GRM8: variants seen among roughly 807,000 people sequenced by gnomAD.
GRM8 encodes metabotropic glutamate receptor 8.
A neutral mutation model predicts 87.2 loss-of-function variants in GRM8; 47 were observed. The ratio of observed to expected loss-of-function variants is 0.54; its 90% CI spans 0.43 to 0.69. GRM8 has a LOEUF of 0.69. GRM8 is among the 30% of genes least tolerant of loss of function. The pLI is 0.00. For missense variants in GRM8, 1,019 were observed against 1,139.2 expected, an observed-to-expected ratio of 0.89 and a Z score of 1.52; for synonymous variants, 396 against 404.5, an observed-to-expected ratio of 0.98 and a Z score of 0.25.
chr7:126,770,575 T>C (rs903431094), intron 6 of GRM8, among the ~76,000 whole-genome samples: 1 of 152,024 alleles, frequency 6.6e-6, no homozygotes, highest in Admixed American at 6.6e-5. Context: ...CTGGTTATCT[T>C]TATAATAATC....
intron 2 of GRM8, among the ~76,000 whole-genome samples, chr7:127,238,949 G>A (rs1798137582): frequency 1.3e-5 from 2 of 152,130 alleles, no homozygotes. Context: ...GATCCTGAAG[G>A]AAATAAAATG....
chr7:126,924,605 T>C (rs1804893022), intron 3 of GRM8, among the ~76,000 whole-genome samples: 1 of 152,188 alleles, frequency 6.6e-6, no homozygotes, highest in South Asian at 2.1e-4. Flanking sequence ...TTTTCTTTCC[T>C]TCCTTTTTCC....
intron 3 of GRM8, among the ~76,000 whole-genome samples, chr7:126,962,853 C>A (rs530967337): frequency 2.0e-5 from 3 of 152,168 alleles, no homozygotes; most frequent in Non-Finnish European, 4.4e-5. Flanking sequence ...TGCACTTACC[C>A]GCAGAAACTA....
At chr7:127,111,426 C>T (rs1050904452) in intron 2 of GRM8, among the ~76,000 whole-genome samples, 6 of 152,162 alleles carry the variant, frequency 3.9e-5, no homozygotes, top group Non-Finnish European at 5.9e-5. Context: ...CCACCCAGAA[C>T]GTGACTACAT....
At chr7:126,730,049 C>A (rs918241930) in intron 7 of GRM8, among the ~76,000 whole-genome samples, 9 of 151,934 alleles carry the variant, frequency 5.9e-5, no homozygotes, top group Middle Eastern at 3.2e-3. Flanking sequence ...CAAAACACAT[C>A]GATCAAATAA....
At chr7:126,518,534 G>T (rs1393601339) in intron 9 of GRM8, among the ~76,000 whole-genome samples, 2 of 151,918 alleles carry the variant, frequency 1.3e-5, no homozygotes, top group Non-Finnish European at 2.9e-5. Context: ...TAAACATATG[G>T]TTATCAATAG....
At chr7:126,627,599 A>G (rs1434827717) in intron 7 of GRM8, among the ~76,000 whole-genome samples, 4 of 152,112 alleles carry the variant, frequency 2.6e-5, no homozygotes, top group Admixed American at 2.6e-4. Context: ...AGAAGTGGCA[A>G]TAGTGAACAC....
At chr7:126,687,270 A>T (rs1808287327) in intron 7 of GRM8, among the ~76,000 whole-genome samples, 2 of 152,198 alleles carry the variant, frequency 1.3e-5, no homozygotes, top group South Asian at 4.1e-4. Context: ...ATTTTCACCT[A>T]ACAGTGTATT....
intron 6 of GRM8, among the ~76,000 whole-genome samples, chr7:126,804,354 T>G (rs1792432572): frequency 6.6e-6 from 1 of 152,252 alleles, no homozygotes; most frequent in South Asian, 2.1e-4. Flanking sequence ...ACAATCATTT[T>G]ATTTTCTACA....
intron 3 of GRM8, among the ~76,000 whole-genome samples, chr7:127,046,651 T>A (rs1201933619): frequency 6.6e-6 from 1 of 152,218 alleles, no homozygotes; most frequent in Non-Finnish European, 1.5e-5. Context: ...AGAATATTAA[T>A]TTGCATATTG....
intron 2 of GRM8, among the ~76,000 whole-genome samples, chr7:127,124,959 A>T (rs1827281623): frequency 6.6e-6 from 1 of 152,178 alleles, no homozygotes; most frequent in Non-Finnish European, 1.5e-5. Flanking sequence ...ATAAATAAAC[A>T]AATAAGTAAA....
intron 6 of GRM8, among the ~76,000 whole-genome samples, chr7:126,806,636 A>G (rs1792763216): frequency 6.6e-6 from 1 of 152,258 alleles, no homozygotes; most frequent in Non-Finnish European, 1.5e-5. Flanking sequence ...TTAGCTAAAC[A>G]GAAAAGTTCT....
chr7:127,026,586 T>C (rs893727351), intron 3 of GRM8, among the ~76,000 whole-genome samples: 5 of 152,222 alleles, frequency 3.3e-5, no homozygotes, highest in African/African-American at 4.8e-5. Context: ...GATTTGCCTT[T>C]CTCTGATGAC....
chr7:126,869,483 T>C (rs905838842), intron 6 of GRM8: 3 of 152,196 alleles, frequency 2.0e-5, no homozygotes, highest in Non-Finnish European at 4.4e-5. Context: ...GCTATAGCCT[T>C]ATGAAATATA....
intron 3 of GRM8, among the ~76,000 whole-genome samples, chr7:127,033,871 T>C (rs1280807425): frequency 6.6e-6 from 1 of 152,224 alleles, no homozygotes; most frequent in African/African-American, 2.4e-5. Context: ...TTGCTTTTAA[T>C]CTATTCAATT....
chr7:127,108,196 T>A (rs2133095610), intron 2 of GRM8, among the ~76,000 whole-genome samples: 1 of 152,282 alleles, frequency 6.6e-6, no homozygotes, highest in Non-Finnish European at 1.5e-5. Context: ...GACTGCATAG[T>A]ACATGACTAC....
At chr7:126,526,703 T>A (rs1324684257) in intron 9 of GRM8, among the ~76,000 whole-genome samples, 1 of 152,180 alleles carries the variant, frequency 6.6e-6, no homozygotes, top group Non-Finnish European at 1.5e-5. Flanking sequence ...AGTTGGTAAT[T>A]TTCTGCAGGA....
chr7:126,962,746 A>G (rs1809446366), intron 3 of GRM8, among the ~76,000 whole-genome samples: 1 of 152,328 alleles, frequency 6.6e-6, no homozygotes, highest in Non-Finnish European at 1.5e-5. Context: ...GCCCACCATG[A>G]TAACATGATC....
chr7:127,247,171 G>A (rs1443830883), intron 1 of GRM8, among the ~76,000 whole-genome samples: 2 of 152,194 alleles, frequency 1.3e-5, no homozygotes, highest in Non-Finnish European at 2.9e-5. Context: ...CTCTCAAAGG[G>A]CTGAGAAGAT....
Sources: gnomAD v4.1 joint callset for allele counts (sites outside exome capture counted in the v4.1 genomes callset) on GRCh38, gnomAD v4.1.1 for gene constraint, MANE v1.5 for transcripts, NCBI Gene and HGNC (gene_info 2026-07-23, HGNC 2026-07-21) for gene names.